The following NEMP2 variants were observed in gnomAD, a reference collection of about 807,000 sequenced individuals.
The protein encoded by NEMP2 is UPF0571 transmembrane protein.
In NEMP2, 53 loss-of-function variants were observed where a neutral mutation model predicts 54.2. That is an observed-to-expected ratio of 0.98 (90% CI 0.78 to 1.23). The LOEUF (loss-of-function observed/expected upper bound fraction) is 1.23, where lower values mean the gene tolerates loss of function less well. Ranked by LOEUF, NEMP2 falls within the 50% of genes most tolerant of loss-of-function variation. The pLI is 0.00. For missense variants in NEMP2, 455 were observed against 511.3 expected (o/e 0.89, Z 1.06); for synonymous variants, 197 against 190.3 (o/e 1.04, Z -0.29).
chr2:190,446,373 A>C, the NEMP2 span, among the ~76,000 whole-genome samples: 1 of 152,238 alleles, frequency 6.6e-6, no homozygotes, highest in African/African-American at 2.4e-5. Context: ...ACTGCCTGCC[A>C]GAGTGTTCTG....
At chr2:190,616,475 T>G in the NEMP2 span, among the ~76,000 whole-genome samples, 1 of 152,386 alleles carries the variant, frequency 6.6e-6, no homozygotes, top group African/African-American at 2.4e-5. This position sits in a 1 kb window ranked among gnomAD's most constrained non-coding sequence, Gnocchi z 5.1. Context: ...AACTTAAATG[T>G]ATTAAAACTA....
the NEMP2 span, among the ~76,000 whole-genome samples, chr2:190,583,745 T>C: frequency 6.6e-6 from 1 of 152,224 alleles, no homozygotes; most frequent in Non-Finnish European, 1.5e-5. Flanking sequence ...AGTGTATTGA[T>C]GTTGGACTGT....
At chr2:190,468,296 C>T in the NEMP2 span, among the ~76,000 whole-genome samples, 1 of 152,320 alleles carries the variant, frequency 6.6e-6, no homozygotes, top group Non-Finnish European at 1.5e-5. Context: ...CCTCTAATAT[C>T]TGTTGCCTAT....
At chr2:190,453,427 T>C in the NEMP2 span, among the ~76,000 whole-genome samples, 12,529 of 152,200 alleles carry the variant, frequency 0.082, 627 homozygotes, top group African/African-American at 0.11. Flanking sequence ...TTCAGAAACA[T>C]TGGCATGTAG....
chr2:190,437,262 G>T, the NEMP2 span: 5 of 1,614,116 alleles, frequency 3.1e-6, no homozygotes, highest in Admixed American at 8.3e-5. This position sits in a 1 kb window ranked among gnomAD's most constrained non-coding sequence, Gnocchi z 5.9. Flanking sequence ...TCCCGCAGGT[G>T]GAAAGGAACA....
chr2:190,618,353 T>C, the NEMP2 span, among the ~76,000 whole-genome samples: 3 of 152,208 alleles, frequency 2.0e-5, no homozygotes, highest in Non-Finnish European at 4.4e-5. Context: ...AAGGTCAGCA[T>C]GGAGCACTAC....
the NEMP2 span, among the ~76,000 whole-genome samples, chr2:190,630,074 G>A: frequency 6.6e-6 from 1 of 152,218 alleles, no homozygotes; most frequent in African/African-American, 2.4e-5. This position sits in a 1 kb window ranked among gnomAD's most constrained non-coding sequence, Gnocchi z 5.5. Context: ...TTTGCTTGTT[G>A]ACTTTCTGGA....
At chr2:190,648,195 G>A in the NEMP2 span, 2 of 152,320 alleles carry the variant, frequency 1.3e-5, no homozygotes, top group African/African-American at 2.4e-5. Context: ...TTTTCAGGAG[G>A]TTAAAAAGGT....
chr2:190,624,024 T>C, the NEMP2 span, among the ~76,000 whole-genome samples: 1,306 of 152,312 alleles, frequency 8.6e-3, 21 homozygotes, highest in African/African-American at 0.029. Flanking sequence ...GGCACTCATC[T>C]GTAATCCCAG....
chr2:190,444,914 T>G, the NEMP2 span: 2 of 816,984 alleles, frequency 2.4e-6, no homozygotes, highest in Non-Finnish European at 3.0e-6. Flanking sequence ...TTTCCTTGTT[T>G]TTGCACTATG....
chr2:190,541,269 GT>G, the NEMP2 span, among the ~76,000 whole-genome samples: 1 of 151,840 alleles, frequency 6.6e-6, no homozygotes, highest in Non-Finnish European at 1.5e-5. The surrounding 1 kb of genome is among the most constrained non-coding windows in gnomAD (Gnocchi z 5.2). Flanking sequence ...GGTTTGGTTT[GT>G]TCTTGTTTTT....
the NEMP2 span, among the ~76,000 whole-genome samples, chr2:190,450,488 CTTTTTTT>C: frequency 1.0e-5 from 1 of 97,254 alleles, no homozygotes; most frequent in Non-Finnish European, 1.9e-5. Context: ...TCTCTTTTTC[CTTTTTTT>C]TTTTTTTTTT....
Position 190,509,906 on chromosome 2 carries a change from C to T in NEMP2, c.1130+455G>A, listed in dbSNP as rs373370019. 3.3e-5 allele frequency among the ~76,000 whole-genome samples: 5 copies of T among 152,194 alleles called. No homozygotes were observed. Among genetic ancestry groups the T allele is most frequent in the Non-Finnish European group, 5.9e-5 (4 of 68,034 alleles). On this transcript the variant is annotated intron_variant, in intron 8 of 8. Coordinates refer to ENST00000409150, the MANE Select transcript of NEMP2 (RefSeq NM_001142645.2). This position sits in a 1 kb window ranked among gnomAD's most constrained non-coding sequence, Gnocchi z 6.1. ...TACAAAAATTAGCCGGGCATGGTGG[C>T]GCCCGCGCCTTGTAATCCCAGCTAC...
At chr2:190,555,073 G>A in the NEMP2 span, among the ~76,000 whole-genome samples, 2 of 151,932 alleles carry the variant, frequency 1.3e-5, no homozygotes, top group African/African-American at 4.9e-5. This position sits in a 1 kb window ranked among gnomAD's most constrained non-coding sequence, Gnocchi z 4.8. Context: ...CTGCAGCAGA[G>A]GGGCCTGACT....
At chr2:190,469,923 C>T in the NEMP2 span, 1 of 1,091,740 alleles carries the variant, frequency 9.2e-7, no homozygotes, top group South Asian at 1.4e-5. The surrounding 1 kb of genome is among the most constrained non-coding windows in gnomAD (Gnocchi z 5.3). Context: ...AGCCCAGTGG[C>T]CTTCAGCATC....
the NEMP2 span, among the ~76,000 whole-genome samples, chr2:190,425,086 C>T: frequency 6.6e-6 from 1 of 151,966 alleles, no homozygotes; most frequent in African/African-American, 2.4e-5. The surrounding 1 kb of genome is among the most constrained non-coding windows in gnomAD (Gnocchi z 4.3). Context: ...TAAATTTATA[C>T]CCAAGTGTTT....
chr2:190,483,562 C>T, the NEMP2 span, among the ~76,000 whole-genome samples: 6 of 152,118 alleles, frequency 3.9e-5, no homozygotes, highest in Non-Finnish European at 7.4e-5. Flanking sequence ...CAGGGTTGGG[C>T]GCAGTGGCTC....
chr2:190,434,932 G>A, the NEMP2 span, among the ~76,000 whole-genome samples: 5 of 152,196 alleles, frequency 3.3e-5, no homozygotes, highest in Non-Finnish European at 7.4e-5. This position sits in a 1 kb window ranked among gnomAD's most constrained non-coding sequence, Gnocchi z 4.3. Flanking sequence ...CAGATCAGCA[G>A]AGGTATTAGA....
At chr2:190,611,590 T>C in the NEMP2 span, among the ~76,000 whole-genome samples, 1 of 152,240 alleles carries the variant, frequency 6.6e-6, no homozygotes, top group Non-Finnish European at 1.5e-5. This position sits in a 1 kb window ranked among gnomAD's most constrained non-coding sequence, Gnocchi z 5.4. Context: ...GCCAATATGT[T>C]TACACACAAA....
Sources: gnomAD v4.1 joint callset for allele counts (sites outside exome capture counted in the v4.1 genomes callset) on GRCh38, gnomAD v4.1.1 for gene constraint, Gnocchi (gnomAD v3.1) non-coding constraint, MANE v1.5 for transcripts, NCBI Gene and HGNC (gene_info 2026-07-23, HGNC 2026-07-21) for gene names.